TK2: variants seen among roughly 807,000 people sequenced by gnomAD.
TK2 encodes the protein thymidine kinase 2, also known as thymidine kinase 2, mitochondrial.
TK2 carries 35 observed loss-of-function variants against 41.9 expected under a neutral mutation model. That is an observed-to-expected ratio of 0.84 (90% CI 0.64 to 1.11). The LOEUF is 1.11. Ranked by LOEUF, TK2 falls within the 50% of genes least tolerant of loss-of-function variation. TK2 has a pLI of 0.00. For synonymous variants in TK2, 128 were observed against 129.1 expected (o/e 0.99, Z 0.06); for missense variants, 320 against 351.1 (o/e 0.91, Z 0.71).
chr16:66,529,640 C>A (rs926323120), intron 5 of TK2, among the ~76,000 whole-genome samples: 1 of 152,222 alleles, frequency 6.6e-6, no homozygotes, highest in Non-Finnish European at 1.5e-5. Context: ...TGCAGACGAC[C>A]TTGCCCTTTG....
intron 8 of TK2, among the ~76,000 whole-genome samples, chr16:66,515,392 C>T (rs1933301615): frequency 6.6e-6 from 1 of 152,222 alleles, no homozygotes. Context: ...AGACCACCAA[C>T]TGCAGAAAGC....
intron 5 of TK2, 70 bp from the exon 6 acceptor site, chr16:66,529,137 T>C (rs1222054767): frequency 7.0e-6 from 10 of 1,420,382 alleles, no homozygotes; most frequent in Non-Finnish European, 9.9e-6. Context: ...TTGAGAAATG[T>C]CTGTTACTCC....
chr16:66,512,309 T>C (rs1043704253), intron 9 of TK2, among the ~76,000 whole-genome samples: 9 of 152,328 alleles, frequency 5.9e-5, no homozygotes, highest in African/African-American at 2.2e-4. Context: ...ATGTCTATTA[T>C]CCAAGCACTT....
chr16:66,530,201 C>G (rs1965066225), intron 5 of TK2, among the ~76,000 whole-genome samples: 1 of 152,206 alleles, frequency 6.6e-6, no homozygotes, highest in Non-Finnish European at 1.5e-5. Flanking sequence ...GACAGACTTA[C>G]AGAAGAATGG....
Position 66,511,639 on chromosome 16 carries a change from C to A in TK2, c.*329G>T. 1 of 420,966 alleles carries A rather than the reference C, an allele frequency of 2.4e-6. No homozygotes were observed. The highest frequency in any genetic ancestry group is 4.5e-6 in the Non-Finnish European group (1 of 224,076). The allele number at this position is 420,966 out of a possible 1,614,324, so 26.1% of individuals were successfully genotyped here. A position where few individuals can be genotyped will look rare whatever the true frequency, so the allele number is the denominator to read the frequency against. ...GAAGGCTGAGACGATTGGTACACAG[C>A]TCCAGCGTGGTGTCAGGCACACAAC... On this transcript the variant is annotated 3_prime_UTR_variant, in exon 10 of 10. Coordinates refer to ENST00000544898, the MANE Select transcript of TK2 (RefSeq NM_004614.5).
At chr16:66,530,346 G>T (rs1049639268) in intron 5 of TK2, among the ~76,000 whole-genome samples, 2 of 152,178 alleles carry the variant, frequency 1.3e-5, no homozygotes, top group African/African-American at 4.8e-5. Flanking sequence ...TGTGCTTACA[G>T]CTTTGAAACA....
chr16:66,520,263 T>TTA (rs1480902822), intron 6 of TK2, among the ~76,000 whole-genome samples: 1 of 152,098 alleles, frequency 6.6e-6, no homozygotes, highest in Non-Finnish European at 1.5e-5. Flanking sequence ...GGTGACAACT[T>TTA]TGTGTCCACA....
rs1017503157 is a variant in TK2, at chr16:66,514,776, T to C, written c.619-965A>G. 1.3e-5 allele frequency among the ~76,000 whole-genome samples: 2 copies of C among 152,192 alleles called. No individual in the cohort carries two copies. Among genetic ancestry groups the C allele is most frequent in the African/African-American group, 4.8e-5 (2 of 41,456 alleles). On this transcript the variant is annotated intron_variant, in intron 8 of 9. Transcript: ENST00000544898. The surrounding 1 kb of genome is among the most constrained non-coding windows in gnomAD (Gnocchi z 4.2). ...AAAGATCAGATTGTTACTGTGTCTG[T>C]GTAGAAAGAAGTAGACATAGGAGAC...
At chr16:66,515,941 G>A (rs1310900035) in intron 8 of TK2, among the ~76,000 whole-genome samples, 1 of 152,172 alleles carries the variant, frequency 6.6e-6, no homozygotes, top group Non-Finnish European at 1.5e-5. Flanking sequence ...CAGAGCCCCT[G>A]ACACCCCACT....
chr16:66,522,256 G>A (rs1964802419), intron 6 of TK2, among the ~76,000 whole-genome samples: 1 of 152,194 alleles, frequency 6.6e-6, no homozygotes, highest in African/African-American at 2.4e-5. Context: ...GGAGGTTTCA[G>A]TCTAGACAGG....
intron 2 of TK2, among the ~76,000 whole-genome samples, chr16:66,542,207 C>T (rs1410621520): frequency 6.6e-6 from 1 of 152,170 alleles, no homozygotes; most frequent in Non-Finnish European, 1.5e-5. Flanking sequence ...AACTCCTAAA[C>T]CATACACAGC....
At chr16:66,525,219 C>T (rs749884134) in intron 6 of TK2, among the ~76,000 whole-genome samples, 9 of 152,234 alleles carry the variant, frequency 5.9e-5, no homozygotes, top group East Asian at 3.9e-4. Flanking sequence ...TTTTGAATGC[C>T]GCTACCCCTT....
In TK2 at chr16:66,536,936, G is replaced by T. The variant is rs538892531; in HGVS notation, c.285+28C>A. ...TCTCAGGTGCTTAAGGGGAAGCCGG[G>T]GGTTCATGCAACCAACAACCCACTC... On this transcript the variant is annotated intron_variant, in intron 4 of 9. Transcript: ENST00000544898. The T allele has an allele frequency of 3.7e-6, 6 of 1,613,936 alleles. No individual in the cohort carries two copies. In the South Asian group the frequency reaches 5.5e-5, roughly 15 times the overall value.
At chr16:66,545,635 C>T (rs1043257169) in intron 2 of TK2, among the ~76,000 whole-genome samples, 1 of 152,250 alleles carries the variant, frequency 6.6e-6, no homozygotes, top group Admixed American at 6.5e-5. Context: ...ACCAGCCTGG[C>T]TAACGTGGTG....
At chr16:66,546,897 G>T (rs796238305) in intron 2 of TK2, among the ~76,000 whole-genome samples, 3 of 151,794 alleles carry the variant, frequency 2.0e-5, no homozygotes, top group African/African-American at 7.3e-5. Context: ...GACTACTGGT[G>T]CATGCCACCA....
intron 2 of TK2, among the ~76,000 whole-genome samples, chr16:66,546,893 T>G (rs1965626020): frequency 6.6e-6 from 1 of 151,920 alleles, no homozygotes. Flanking sequence ...CTAGGACTAC[T>G]GGTGCATGCC....
At chr16:66,539,532 C>T (rs1367946433) in intron 3 of TK2, among the ~76,000 whole-genome samples, 1 of 138,518 alleles carries the variant, frequency 7.2e-6, no homozygotes, top group Non-Finnish European at 1.5e-5. Flanking sequence ...ACCCAGGAGG[C>T]GGAGGTTGCA....
intron 6 of TK2, among the ~76,000 whole-genome samples, chr16:66,519,163 G>A (rs140925304): frequency 0.026 from 3,808 of 148,952 alleles, 89 homozygotes; most frequent in South Asian, 0.12. Flanking sequence ...GGGTTTCACC[G>A]TGTTAGCCAG....
At chr16:66,542,265 C>T (rs1965480676) in intron 2 of TK2, among the ~76,000 whole-genome samples, 1 of 152,160 alleles carries the variant, frequency 6.6e-6, no homozygotes, top group Non-Finnish European at 1.5e-5. Flanking sequence ...ACCCCACAGA[C>T]TATTAGATTT....
Sources: gnomAD v4.1 joint callset for allele counts (sites outside exome capture counted in the v4.1 genomes callset) on GRCh38, gnomAD v4.1.1 for gene constraint, Gnocchi (gnomAD v3.1) non-coding constraint, MANE v1.5 for transcripts, NCBI Gene and HGNC (gene_info 2026-07-23, HGNC 2026-07-21) for gene names.